The following ENOSF1 variants were observed in gnomAD, a reference collection of about 807,000 sequenced individuals.
ENOSF1 encodes mitochondrial enolase superfamily member 1.
In ENOSF1, 73 loss-of-function variants were observed where a neutral mutation model predicts 68.2. The ratio of observed to expected loss-of-function variants is 1.07; its 90% CI spans 0.89 to 1.30. ENOSF1 has a LOEUF of 1.30. Ranked by LOEUF, ENOSF1 falls within the 50% of genes most tolerant of loss-of-function variation. The pLI, the probability that ENOSF1 is intolerant of heterozygous loss-of-function variation, is 0.00. For synonymous variants in ENOSF1, 223 were observed against 210.4 expected, an observed-to-expected ratio of 1.06 and a Z score of -0.52; for missense variants, 589 against 554.5, an observed-to-expected ratio of 1.06 and a Z score of -0.62.
At chr18:697,966 G>A (rs146597674) in intron 2 of ENOSF1, among the ~76,000 whole-genome samples, 6 of 152,144 alleles carry the variant, frequency 3.9e-5, no homozygotes, top group African/African-American at 1.4e-4. Context: ...GTTAATTTTG[G>A]TATTTTTTGT....
chr18:666,981 AGATGGT>A (rs1458799324), downstream of ENOSF1, among the ~76,000 whole-genome samples: 7 of 8,546 alleles, frequency 8.2e-4, 1 homozygote, highest in South Asian at 5.1e-3. Flanking sequence ...ATGGAGATGG[AGATGGT>A]GATGGTGATG....
At chr18:693,629 GTTACACAT>G in intron 5 of ENOSF1, 4 of 985,398 alleles carry the variant, frequency 4.1e-6, no homozygotes, top group Non-Finnish European at 4.8e-6. Context: ...GGCACCGTGT[GTTACACAT>G]GCACAGTGGG....
intron 13 of ENOSF1, 128 bp from the exon 14 acceptor site, chr18:677,572 T>C: frequency 7.9e-7 from 1 of 1,270,046 alleles, no homozygotes; most frequent in Admixed American, 2.4e-5. Flanking sequence ...AGGAAGGAAA[T>C]TCCAAGATGA....
intron 1 of ENOSF1, among the ~76,000 whole-genome samples, chr18:711,692 A>C (rs2079566301): frequency 6.6e-6 from 1 of 152,174 alleles, no homozygotes; most frequent in South Asian, 2.1e-4. Flanking sequence ...GTAAGCAAAA[A>C]AGACCTTCAA....
chr18:699,297 A>G (rs2078069042), intron 2 of ENOSF1, among the ~76,000 whole-genome samples: 1 of 152,028 alleles, frequency 6.6e-6, no homozygotes, highest in South Asian at 2.1e-4. Context: ...CATCATCTCT[A>G]CAAAAAATAC....
chr18:681,113 C>T (rs1021817327), intron 11 of ENOSF1, among the ~76,000 whole-genome samples: 2 of 152,180 alleles, frequency 1.3e-5, no homozygotes, highest in African/African-American at 4.8e-5. Flanking sequence ...CCACCCACCT[C>T]GGCCTCCCAA....
chr18:671,188 G>A lies in ENOSF1; in HGVS notation c.*3117C>T, dbSNP rs2075029696. ...TTGGGAGACTGAGACAGGAGCAATT[G>A]CTTGAGGTCTGGAGTTCAATACCAG... is the stretch of plus-strand genomic sequence containing the variant. On this transcript the variant is annotated 3_prime_UTR_variant, in exon 16 of 16. Transcript: ENST00000647584. The A allele has an allele frequency of 1.6e-6, 1 of 616,474 alleles. No homozygotes were observed. The highest frequency in any genetic ancestry group is 1.8e-5 in the African/African-American group (1 of 54,236). 38.2% of individuals were successfully genotyped at this position (616,474 alleles called of 1,614,324 possible).
chr18:679,074 C>T (rs1193433645), intron 11 of ENOSF1, among the ~76,000 whole-genome samples: 1 of 152,202 alleles, frequency 6.6e-6, no homozygotes, highest in Non-Finnish European at 1.5e-5. Flanking sequence ...GGCATAAGGA[C>T]AGGGCTATTC....
intron 12 of ENOSF1, 35 bp downstream of exon 12, chr18:678,661 G>A (rs1312397574): frequency 1.2e-6 from 2 of 1,610,720 alleles, no homozygotes; most frequent in Non-Finnish European, 1.7e-6. Context: ...CTGACCCCAA[G>A]GGGACGTCAT....
At chr18:692,620 AAAAAAAG>A (rs1367359316) in intron 5 of ENOSF1, 6 of 801,360 alleles carry the variant, frequency 7.5e-6, no homozygotes, top group African/African-American at 2.0e-5. Flanking sequence ...AGAAAGAAAG[AAAAAAAG>A]AAAAAAGAAA....
intron 7 of ENOSF1, 158 bp from the exon 8 acceptor site, chr18:690,789 C>G (rs2077074642): frequency 6.7e-7 from 1 of 1,486,876 alleles, no homozygotes; most frequent in Admixed American, 2.2e-5. Flanking sequence ...ATGTCAAACC[C>G]AGGTGATCAG....
chr18:673,130 AT>A lies in ENOSF1; in HGVS notation c.*1174del, dbSNP rs1195176760. On this transcript the variant is annotated 3_prime_UTR_variant, in exon 16 of 16. Coordinates refer to ENST00000647584, the MANE Select transcript of ENOSF1 (RefSeq NM_017512.7). ...TCTGTCCGTGACCTATCAGTTATTA[AT>A]TTTTAAGGATGTTGCCACTGGCAAA... 3 of 1,012,004 alleles carry A rather than the reference AT, an allele frequency of 3.0e-6. No homozygotes were observed. Among genetic ancestry groups the A allele is most frequent in the African/African-American group, 3.2e-5 (2 of 62,556 alleles). 62.7% of individuals were successfully genotyped at this position (1,012,004 alleles called of 1,614,324 possible).
At chr18:711,325 T>G (rs1215317187) in intron 1 of ENOSF1, among the ~76,000 whole-genome samples, 2 of 151,818 alleles carry the variant, frequency 1.3e-5, no homozygotes. Flanking sequence ...ACAAAAAGAG[T>G]ATAGATAATG....
intron 11 of ENOSF1, among the ~76,000 whole-genome samples, chr18:682,380 T>C (rs1280015516): frequency 6.6e-6 from 1 of 152,020 alleles, no homozygotes; most frequent in African/African-American, 2.4e-5. Context: ...TACTTAAACA[T>C]AGGAAAGGTA....
intron 2 of ENOSF1, among the ~76,000 whole-genome samples, chr18:706,042 T>A (rs1349923194): frequency 6.6e-6 from 1 of 151,642 alleles, no homozygotes; most frequent in African/African-American, 2.4e-5. Context: ...GAAAAGCGAG[T>A]AGACGTGCTG....
chr18:675,053 G>GT (rs1204793118), intron 15 of ENOSF1, among the ~76,000 whole-genome samples: 1 of 152,120 alleles, frequency 6.6e-6, no homozygotes, highest in Non-Finnish European at 1.5e-5. Flanking sequence ...ATGGTGCCAG[G>GT]TTTTTTTGCA....
At chr18:694,007 C>T in intron 4 of ENOSF1, 99 bp from the exon 5 acceptor site, 1 of 1,373,098 alleles carries the variant, frequency 7.3e-7, no homozygotes, top group Non-Finnish European at 1.0e-6. Context: ...GGCTGTCAGC[C>T]ACCAGGTCCC....
In ENOSF1 at chr18:677,858, C is replaced by T. The variant is rs113279087; in HGVS notation, c.933G>A (p.Val311=). The change falls in exon 13 of 16, where the codon GTG becomes GTA. Residue 311 remains valine, a synonymous_variant. Transcript: ENST00000647584. ...TCGCCTGTAGGAGTTGCTTAAATAT[C>T]ACTCTATTGTGGCACTGGAAATAGA... ...IATGEQCHNR[V]IFKQLLQAKA... 1.1e-4 allele frequency: 184 copies of T among 1,613,562 alleles called. No homozygotes were observed. The highest frequency in any genetic ancestry group is 6.4e-4 in the African/African-American group (48 of 74,918).
At chr18:679,375 A>AT (rs34915243) in intron 11 of ENOSF1, among the ~76,000 whole-genome samples, 27,893 of 151,324 alleles carry the variant, frequency 0.18, 3,088 homozygotes, top group Admixed American at 0.26. Flanking sequence ...ATGCTGGCTA[A>AT]TTTTTGTATT....
Sources: allele counts gnomAD v4.1 joint callset (sites outside exome capture counted in the v4.1 genomes callset), GRCh38; gene constraint gnomAD v4.1.1; transcripts MANE v1.5; gene names NCBI Gene and HGNC (gene_info 2026-07-23, HGNC 2026-07-21).